PMP22: variants seen among roughly 807,000 people sequenced by gnomAD.
PMP22 encodes Charcot-Marie-Tooth neuropathy 1A (greatly reduced nerve conduction velocity, hereditary motor sensory neuropathy Ia).
PMP22 carries 2 observed loss-of-function variants against 18.9 expected under a neutral mutation model. That is an observed-to-expected ratio of 0.11 (90% CI 0.04 to 0.33). The LOEUF is 0.33. Ranked by LOEUF, PMP22 falls within the 10% of genes least tolerant of loss-of-function variation. The pLI is 1.00. For missense variants in PMP22, 169 were observed against 202.2 expected (o/e 0.84, Z 1.00); for synonymous variants, 95 against 89.2 (o/e 1.07, Z -0.37).
At position 15,230,923 on chromosome 17, in the gene PMP22, G is replaced by C; in HGVS notation, c.477C>G (p.Arg159=). ...SGVIYVILRK[R]E ...GACAGACCGTCTGGGCGCCTCATTC[G>C]CGTTTCCGCAAGATCACATAGATGA... is the stretch of plus-strand genomic sequence containing the variant. Residue 159 remains arginine (R), a synonymous_variant, in exon 5 of 5, where the codon CGC becomes CGG. Coordinates refer to ENST00000312280, the MANE Select transcript of PMP22 (RefSeq NM_000304.4). 6.2e-7 allele frequency: 1 copy of C among 1,613,940 alleles called. No homozygotes were observed. The highest frequency in any genetic ancestry group is 8.5e-7 in the Non-Finnish European group (1 of 1,180,020).
At chr17:15,254,524 G>A (rs1908648551) in intron 3 of PMP22, among the ~76,000 whole-genome samples, 1 of 152,168 alleles carries the variant, frequency 6.6e-6, no homozygotes, top group South Asian at 2.1e-4. Context: ...GTGACAGAGG[G>A]GTTGAATTGG....
intron 3 of PMP22, among the ~76,000 whole-genome samples, chr17:15,247,561 T>C (rs756494712): frequency 1.3e-5 from 2 of 152,146 alleles, no homozygotes; most frequent in Non-Finnish European, 2.9e-5. Flanking sequence ...ATTCCTGCTG[T>C]AGGAGCAGCT....
At position 15,230,846 on chromosome 17, in the gene PMP22, G is replaced by A. The variant is rs1177595428; in HGVS notation, c.*71C>T. On this transcript the variant is annotated 3_prime_UTR_variant, in exon 5 of 5. Coordinates refer to ENST00000312280, the MANE Select transcript of PMP22 (RefSeq NM_000304.4). ...ATTTTGGGCTAGCTCTTTTTTCTTT[G>A]TCTGCTTTCTGTTTTCCCTTCCTCC... 1.9e-6 allele frequency: 3 copies of A among 1,548,072 alleles called. No homozygotes were observed. The highest frequency in any genetic ancestry group is 1.7e-5 in the Admixed American group (1 of 58,846).
At chr17:15,256,122 G>A (rs990180306) in intron 3 of PMP22, among the ~76,000 whole-genome samples, 2 of 152,300 alleles carry the variant, frequency 1.3e-5, no homozygotes, top group East Asian at 3.9e-4. Flanking sequence ...GAAGGCAGGC[G>A]GAGTCAAAGT....
intron 3 of PMP22, among the ~76,000 whole-genome samples, chr17:15,244,378 T>C (rs943433871): frequency 1.3e-5 from 2 of 152,200 alleles, no homozygotes; most frequent in Non-Finnish European, 2.9e-5. Context: ...TGGCAGAATA[T>C]ATTAGGTTGA....
intron 2 of PMP22, among the ~76,000 whole-genome samples, chr17:15,259,670 G>C (rs571202587): frequency 6.6e-6 from 1 of 151,922 alleles, no homozygotes; most frequent in South Asian, 2.1e-4. Context: ...GGCCGGGCAC[G>C]GTGGCTCACA....
intron 3 of PMP22, among the ~76,000 whole-genome samples, chr17:15,254,531 T>A (rs956930196): frequency 1.1e-4 from 16 of 152,130 alleles, no homozygotes; most frequent in African/African-American, 3.4e-4. Flanking sequence ...AGGGGTTGAA[T>A]TGGCAGAGGA....
chr17:15,235,148 G>A (rs989775395), intron 4 of PMP22: 23 of 713,672 alleles, frequency 3.2e-5, no homozygotes, highest in Non-Finnish European at 5.7e-5. Context: ...ATGCTCTATA[G>A]CTATATTGAT....
At chr17:15,231,810 G>A (rs1456340069) in intron 4 of PMP22, among the ~76,000 whole-genome samples, 1 of 152,176 alleles carries the variant, frequency 6.6e-6, no homozygotes, top group Non-Finnish European at 1.5e-5. Context: ...AGGCTAAAGG[G>A]CACTGGATAT....
At chr17:15,257,580 A>G (rs1329549124) in intron 3 of PMP22, among the ~76,000 whole-genome samples, 1 of 152,248 alleles carries the variant, frequency 6.6e-6, no homozygotes, top group African/African-American at 2.4e-5. Flanking sequence ...AACTTCAGCC[A>G]GACCCTAAAG....
Position 15,230,971 on chromosome 17 carries a change from G to T in PMP22, c.429C>A (p.Phe143Leu). ...TGACACCGCTGAGAAGGGCCAGGGGGAAGGCCACCCAGGCCAGGATGTAGG... is the reference window on the plus strand; with the variant it reads ...TGACACCGCTGAGAAGGGCCAGGGGTAAGGCCACCCAGGCCAGGATGTAGG... ...GFAYILAWVAFPLALLSGVIY... is the reference protein window; with the variant it reads ...GFAYILAWVALPLALLSGVIY... The change falls in exon 5 of 5, where the codon TTC (phenylalanine) becomes TTA (leucine). Residue 143 changes from phenylalanine (F) to leucine (L), a missense_variant. Physicochemically the swap from Phe to Leu is conservative, Grantham distance 22 (BLOSUM62 0). Transcript: ENST00000312280. The T allele has an allele frequency of 6.2e-7, 1 of 1,614,160 alleles. No homozygotes were observed. The highest frequency in any genetic ancestry group is 8.5e-7 in the Non-Finnish European group (1 of 1,180,028).
At chr17:15,260,378 G>A in intron 2 of PMP22, 1 of 532,952 alleles carries the variant, frequency 1.9e-6, no homozygotes, top group South Asian at 2.3e-5. Context: ...TCAAATGAAG[G>A]TCGGGGACCC....
intron 3 of PMP22, among the ~76,000 whole-genome samples, chr17:15,256,527 G>A (rs191863795): frequency 1.8e-4 from 27 of 152,208 alleles, no homozygotes; most frequent in Non-Finnish European, 3.1e-4. Flanking sequence ...TATAATCCCA[G>A]CTACTCGGGA....
rs555576065 is a variant in PMP22 at position 15,250,167 on chromosome 17, C to A, written c.178+8927G>T. ...TCTCCTGACCTTGTAATCCGCCCGC[C>A]TCAGCCTCCCAAAGTGCTGGGATTA... On this transcript the variant is annotated intron_variant, in intron 3 of 4. Coordinates refer to ENST00000312280, the MANE Select transcript of PMP22 (RefSeq NM_000304.4). 2.6e-5 allele frequency among the ~76,000 whole-genome samples: 4 copies of A among 152,320 alleles called. No individual in the cohort carries two copies. In the South Asian group the frequency reaches 8.3e-4, roughly 32 times the overall value.
intron 3 of PMP22, among the ~76,000 whole-genome samples, chr17:15,248,464 G>A (rs1303292602): frequency 2.0e-5 from 3 of 152,200 alleles, no homozygotes; most frequent in Non-Finnish European, 4.4e-5. Flanking sequence ...GGCAGGCACA[G>A]AGCTAGTTTG....
At chr17:15,256,171 A>G (rs1421698571) in intron 3 of PMP22, among the ~76,000 whole-genome samples, 1 of 147,832 alleles carries the variant, frequency 6.8e-6, no homozygotes, top group Non-Finnish European at 1.5e-5. Context: ...TAATATTAAG[A>G]TGTAGCCTGG....
At chr17:15,263,583 G>GCGCGCACACACACA (rs71353722) in intron 1 of PMP22, among the ~76,000 whole-genome samples, 3 of 149,942 alleles carry the variant, frequency 2.0e-5, no homozygotes, top group Non-Finnish European at 3.0e-5. Context: ...GCACGCGCGC[G>GCGCGCACACACACA]CACACACACA....
chr17:15,238,776 G>T (rs1907028349), intron 4 of PMP22, among the ~76,000 whole-genome samples: 1 of 152,194 alleles, frequency 6.6e-6, no homozygotes, highest in South Asian at 2.1e-4. Context: ...TGCACACTAT[G>T]CATATTAATA....
intron 3 of PMP22, among the ~76,000 whole-genome samples, chr17:15,245,242 C>T (rs1907703309): frequency 6.6e-6 from 1 of 152,208 alleles, no homozygotes; most frequent in East Asian, 1.9e-4. Flanking sequence ...ATGCTGCTCC[C>T]CAATCAGAGC....
Sources: gnomAD v4.1 joint callset for allele counts (sites outside exome capture counted in the v4.1 genomes callset) on GRCh38, gnomAD v4.1.1 for gene constraint, MANE v1.5 for transcripts, NCBI Gene and HGNC (gene_info 2026-07-23, HGNC 2026-07-21) for gene names.